PLCB1: variants seen among roughly 807,000 people sequenced by gnomAD.
The protein encoded by PLCB1 is phospholipase C beta 1, also known as 1-phosphatidylinositol 4,5-bisphosphate phosphodiesterase beta-1.
A neutral mutation model predicts 161.8 loss-of-function variants in PLCB1; 46 were observed. The ratio of observed to expected loss-of-function variants is 0.28; its 90% CI spans 0.22 to 0.36. The LOEUF is 0.36. PLCB1 is among the 10% of genes least tolerant of loss of function. The pLI is 1.00. For missense variants in PLCB1, 1,016 were observed against 1,472.5 expected (o/e 0.69, Z 5.07); for synonymous variants, 517 against 503.7 (o/e 1.03, Z -0.35).
intron 3 of PLCB1, among the ~76,000 whole-genome samples, chr20:8,444,911 A>G (rs1258962874): frequency 6.6e-6 from 1 of 150,606 alleles, no homozygotes; most frequent in South Asian, 2.1e-4. Flanking sequence ...TTTTCTTGTA[A>G]ATTTGTTTGA....
intron 3 of PLCB1, among the ~76,000 whole-genome samples, chr20:8,381,570 T>A (rs186507559): frequency 2.6e-5 from 4 of 152,344 alleles, no homozygotes; most frequent in Non-Finnish European, 5.9e-5. Flanking sequence ...ATCCATCTCA[T>A]GCTGTGCTTT....
chr20:8,221,485 A>T (rs1247115114), intron 2 of PLCB1, among the ~76,000 whole-genome samples: 1 of 152,196 alleles, frequency 6.6e-6, no homozygotes, highest in African/African-American at 2.4e-5. Flanking sequence ...CAATTTCTTT[A>T]CAGATTCTAT....
intron 6 of PLCB1, among the ~76,000 whole-genome samples, 163 bp from the exon 7 acceptor site, chr20:8,649,211 G>A (rs1989246500): frequency 6.6e-6 from 1 of 152,168 alleles, no homozygotes; most frequent in Non-Finnish European, 1.5e-5. Context: ...TGATCTTTCA[G>A]AAGACAGATG....
intron 2 of PLCB1, among the ~76,000 whole-genome samples, chr20:8,177,113 C>T (rs1385760365): frequency 4.6e-5 from 7 of 151,542 alleles, no homozygotes; most frequent in Non-Finnish European, 7.4e-5. Context: ...ATGTTTTTGT[C>T]CCCCCAAAAA....
At chr20:8,608,076 C>G (rs948525637) in intron 3 of PLCB1, among the ~76,000 whole-genome samples, 4 of 151,916 alleles carry the variant, frequency 2.6e-5, no homozygotes, top group African/African-American at 9.7e-5. Flanking sequence ...TGCTCTATCT[C>G]TATGTACTTG....
chr20:8,323,612 A>G (rs1389287458), intron 2 of PLCB1, among the ~76,000 whole-genome samples: 3 of 152,114 alleles, frequency 2.0e-5, no homozygotes, highest in Middle Eastern at 3.2e-3. Flanking sequence ...TTCATGTCCT[A>G]TGAGGGAGCA....
intron 26 of PLCB1, among the ~76,000 whole-genome samples, chr20:8,772,256 C>T (rs1331259198): frequency 2.0e-5 from 3 of 152,024 alleles, no homozygotes; most frequent in Non-Finnish European, 4.4e-5. Context: ...ATGAATCACA[C>T]CAATTTCTTT....
intron 23 of PLCB1, among the ~76,000 whole-genome samples, chr20:8,753,454 C>T (rs1981585626): frequency 6.6e-6 from 1 of 152,180 alleles, no homozygotes; most frequent in Non-Finnish European, 1.5e-5. Context: ...AAGAGTCAGA[C>T]TATGCAAGGA....
At chr20:8,363,286 G>A (rs1986601985) in intron 2 of PLCB1, among the ~76,000 whole-genome samples, 1 of 152,174 alleles carries the variant, frequency 6.6e-6, no homozygotes, top group Middle Eastern at 3.4e-3. Context: ...GTATCCTAAG[G>A]CTGAAATCAA....
Position 8,311,776 on chromosome 20 carries a change from A to C in PLCB1, c.178-59606A>C, listed in dbSNP as rs559005478. 2.6e-5 allele frequency among the ~76,000 whole-genome samples: 4 copies of C among 152,278 alleles called. No homozygotes were observed. In the South Asian group the frequency reaches 8.3e-4, roughly 32 times the overall value. ...TAAGAGGCCAAGGAGGTGGTGGCTG[A>C]GGCAGTCAAATCTTGTGGAATGTGG... is the stretch of plus-strand genomic sequence containing the variant. On this transcript the variant is annotated intron_variant, in intron 2 of 31. Coordinates refer to ENST00000338037, the MANE Select transcript of PLCB1 (RefSeq NM_015192.4).
Position 8,853,378 on chromosome 20 carries a change from G to A in PLCB1, c.3424-28244G>A, listed in dbSNP as rs533786051. Among the ~76,000 whole-genome samples the A allele has an allele frequency of 1.5e-4, 23 of 152,254 alleles. 1 individual carries two copies. The highest frequency in any genetic ancestry group is 5.1e-4 in the African/African-American group (21 of 41,552). ...CTTCCCTCGTGCTCCAACCCAGTCAGTACTACCTCCATCCGGAAGTAACAG... is the reference window on the plus strand; with the variant it reads ...CTTCCCTCGTGCTCCAACCCAGTCAATACTACCTCCATCCGGAAGTAACAG... On this transcript the variant is annotated intron_variant, in intron 31 of 31. Coordinates refer to ENST00000338037, the MANE Select transcript of PLCB1 (RefSeq NM_015192.4).
intron 2 of PLCB1, among the ~76,000 whole-genome samples, chr20:8,195,354 A>C (rs1307815364): frequency 6.6e-6 from 1 of 152,026 alleles, no homozygotes; most frequent in Non-Finnish European, 1.5e-5. Flanking sequence ...AGGGGTGATT[A>C]GGGCATGGGG....
chr20:8,258,689 G>A (rs1054584298), intron 2 of PLCB1, among the ~76,000 whole-genome samples: 1 of 152,060 alleles, frequency 6.6e-6, no homozygotes, highest in African/African-American at 2.4e-5. Flanking sequence ...TAAAATTGGC[G>A]ATAATTTCAC....
At chr20:8,256,591 A>G (rs1001582409) in intron 2 of PLCB1, 2 of 152,300 alleles carry the variant, frequency 1.3e-5, no homozygotes, top group Admixed American at 6.6e-5. Flanking sequence ...CAGGAGGGGA[A>G]AATAATCTCC....
chr20:8,543,187 G>A (rs563139700), intron 3 of PLCB1, among the ~76,000 whole-genome samples: 75 of 152,116 alleles, frequency 4.9e-4, no homozygotes, highest in Middle Eastern at 3.4e-3. Context: ...AAGTTGAGAA[G>A]AAATAGATAA....
intron 3 of PLCB1, among the ~76,000 whole-genome samples, chr20:8,438,189 T>A (rs1980394651): frequency 6.6e-6 from 1 of 152,188 alleles, no homozygotes. Context: ...TGAAATGGTG[T>A]TTCCAGGAAA....
intron 3 of PLCB1, among the ~76,000 whole-genome samples, chr20:8,490,888 C>A (rs978713569): frequency 7.8e-5 from 11 of 140,484 alleles, no homozygotes; most frequent in African/African-American, 2.6e-4. Flanking sequence ...GTACACATAT[C>A]TATATGTACA....
intron 2 of PLCB1, among the ~76,000 whole-genome samples, chr20:8,254,594 A>T (rs534432453): frequency 6.6e-6 from 1 of 151,984 alleles, no homozygotes; most frequent in Non-Finnish European, 1.5e-5. Context: ...CTTCATATAA[A>T]GGCTTATGTA....
At chr20:8,432,146 A>C (rs1489470256) in intron 3 of PLCB1, among the ~76,000 whole-genome samples, 2 of 152,128 alleles carry the variant, frequency 1.3e-5, no homozygotes, top group Non-Finnish European at 2.9e-5. Flanking sequence ...GCTTGCAGAC[A>C]ATCTGAAGCG....
Sources: allele counts gnomAD v4.1 joint callset (sites outside exome capture counted in the v4.1 genomes callset), GRCh38; gene constraint gnomAD v4.1.1; transcripts MANE v1.5; gene names NCBI Gene and HGNC (gene_info 2026-07-23, HGNC 2026-07-21).